The following FYN variants were observed in gnomAD, a reference collection of about 807,000 sequenced individuals.
FYN encodes the protein tyrosine-protein kinase Fyn.
In FYN, 10 loss-of-function variants were observed where a neutral mutation model predicts 70.2. The observed-to-expected ratio is 0.14, with a 90% CI of 0.09 to 0.24. FYN has a LOEUF of 0.24. Ranked by LOEUF, FYN falls within the 10% of genes least tolerant of loss-of-function variation. The pLI, the probability that FYN is intolerant of heterozygous loss-of-function variation, is 1.00. For synonymous variants in FYN, 236 were observed against 248.6 expected (o/e 0.95, Z 0.48); for missense variants, 319 against 673.1 (o/e 0.47, Z 5.82).
chr6:111,673,744 G>A (rs1316920598), intron 13 of FYN, among the ~76,000 whole-genome samples: 3 of 147,660 alleles, frequency 2.0e-5, no homozygotes, highest in Admixed American at 1.4e-4. Context: ...AAAGCAGATC[G>A]TCCCTGTGCT....
intron 3 of FYN, among the ~76,000 whole-genome samples, chr6:111,733,198 C>T (rs1023132235): frequency 6.6e-6 from 1 of 152,122 alleles, no homozygotes; most frequent in Non-Finnish European, 1.5e-5. Context: ...ACAATGCCTA[C>T]CACTTTTTGA....
At chr6:111,782,990 C>G (rs1261142667) in intron 2 of FYN, among the ~76,000 whole-genome samples, 1 of 152,194 alleles carries the variant, frequency 6.6e-6, no homozygotes, top group Non-Finnish European at 1.5e-5. Flanking sequence ...CAGTGACTAT[C>G]TTGGGAAGGT....
chr6:111,667,986 T>C (rs1374270650), intron 13 of FYN, among the ~76,000 whole-genome samples: 1 of 152,270 alleles, frequency 6.6e-6, no homozygotes, highest in African/African-American at 2.4e-5. Flanking sequence ...CTAACTGAGC[T>C]TTCCGTTCAA....
chr6:111,784,770 G>C (rs1226747447), intron 2 of FYN, among the ~76,000 whole-genome samples: 1 of 152,086 alleles, frequency 6.6e-6, no homozygotes, highest in East Asian at 1.9e-4. Context: ...CAATTACTTG[G>C]GGAAAAGGAA....
In FYN at chr6:111,707,820, T is replaced by G. The variant is rs1800167789; in HGVS notation, c.443+102A>C. On this transcript the variant is annotated intron_variant, in intron 6 of 13. Transcript: ENST00000354650. Reference sequence around the variant, plus strand: ...GCCTGAAAAACTCAGCCTTAATCACTGCTGTGAATTTCTTCTCCCTCCTGC... The same window carrying G: ...GCCTGAAAAACTCAGCCTTAATCACGGCTGTGAATTTCTTCTCCCTCCTGC... The G allele has an allele frequency of 6.8e-6, 6 of 883,220 alleles. No individual in the cohort carries two copies. In the South Asian group the frequency reaches 8.5e-5, roughly 12 times the overall value. 54.7% of individuals were successfully genotyped at this position (883,220 alleles called of 1,614,324 possible). A position where few individuals can be genotyped will look rare whatever the true frequency, so the allele number is the denominator to read the frequency against.
chr6:111,737,056 T>C lies in FYN; in HGVS notation c.-11-16994A>G, dbSNP rs1243512081. Among the ~76,000 whole-genome samples, 5 of 152,356 alleles carry C rather than the reference T, an allele frequency of 3.3e-5. No individual in the cohort carries two copies. The Middle Eastern group carries it at 0.017, about 518-fold the overall frequency. On this transcript the variant is annotated intron_variant, in intron 3 of 13. Coordinates refer to ENST00000354650, the MANE Select transcript of FYN (RefSeq NM_002037.5). ...CTGGTTAATCATCCATTCTTGTCAC[T>C]ATTTGTTTTGTGCCTCAAACACTCG...
At chr6:111,699,913 C>CTTTTTTTT (rs71021861) in intron 9 of FYN, 191 bp downstream of exon 9, 10 of 186,564 alleles carry the variant, frequency 5.4e-5, no homozygotes, top group East Asian at 1.3e-4. Context: ...CACTTACTAT[C>CTTTTTTTT]TTTTTTTTTT....
chr6:111,797,665 CATATATATAT>C (rs57984132), intron 2 of FYN, among the ~76,000 whole-genome samples: 2,294 of 90,678 alleles, frequency 0.025, 47 homozygotes, highest in East Asian at 0.057. Flanking sequence ...ATCAAAGTTT[CATATATATAT>C]ATATATATAT....
At chr6:111,824,488 C>T (rs1314356113) in intron 2 of FYN, among the ~76,000 whole-genome samples, 3 of 152,200 alleles carry the variant, frequency 2.0e-5, no homozygotes, top group African/African-American at 7.2e-5. Flanking sequence ...ATCTACACTG[C>T]ATCTTGTTAA....
At chr6:111,865,148 T>C (rs1774069143) in intron 1 of FYN, among the ~76,000 whole-genome samples, 1 of 152,204 alleles carries the variant, frequency 6.6e-6, no homozygotes, top group Non-Finnish European at 1.5e-5. Context: ...CCCATGGTAC[T>C]TTTTTCTCCC....
intron 2 of FYN, among the ~76,000 whole-genome samples, chr6:111,804,300 G>A (rs1383640521): frequency 2.6e-5 from 4 of 152,140 alleles, no homozygotes; most frequent in Admixed American, 2.0e-4. Flanking sequence ...GAACTGGGGG[G>A]AACTGGGGAA....
chr6:111,742,133 C>T (rs574407888), intron 3 of FYN, among the ~76,000 whole-genome samples: 46 of 152,280 alleles, frequency 3.0e-4, no homozygotes, highest in African/African-American at 1.1e-3. Flanking sequence ...AGGCATTGTG[C>T]GGGATGGTCT....
chr6:111,715,069 G>A (rs750805035), intron 4 of FYN, among the ~76,000 whole-genome samples: 4 of 151,890 alleles, frequency 2.6e-5, no homozygotes, highest in Admixed American at 6.6e-5. Context: ...CCCCTACCTT[G>A]AACTCACCTC....
intron 2 of FYN, among the ~76,000 whole-genome samples, chr6:111,810,880 T>C (rs1320876267): frequency 6.6e-6 from 1 of 152,274 alleles, no homozygotes; most frequent in African/African-American, 2.4e-5. Flanking sequence ...AGTCTTCACT[T>C]TGGAGTTAGG....
intron 2 of FYN, among the ~76,000 whole-genome samples, chr6:111,783,814 G>A (rs1771265285): frequency 6.6e-6 from 1 of 152,230 alleles, no homozygotes; most frequent in Non-Finnish European, 1.5e-5. Context: ...GACAGTCCAA[G>A]GTTTTGCAGT....
intron 2 of FYN, among the ~76,000 whole-genome samples, chr6:111,809,598 A>C (rs182965696): frequency 1.7e-4 from 26 of 152,264 alleles, no homozygotes; most frequent in African/African-American, 6.3e-4. Flanking sequence ...TTTTTCAGGC[A>C]CCAAAGTCTC....
At chr6:111,814,337 C>T (rs865896202) in intron 2 of FYN, among the ~76,000 whole-genome samples, 4 of 151,994 alleles carry the variant, frequency 2.6e-5, no homozygotes, top group Non-Finnish European at 4.4e-5. Flanking sequence ...TAAAGCCAAA[C>T]GATAAAGCCA....
At position 111,815,293 on chromosome 6, in the gene FYN, C is replaced by T. The variant is rs558109601; in HGVS notation, c.-82+31296G>A. ...GCCTGTAAACTGTTTAAACATCTTC[C>T]CAAATAACAGAGAAAATGGTCATAT... On this transcript the variant is annotated intron_variant, in intron 2 of 13. Transcript: ENST00000354650. Among the ~76,000 whole-genome samples, 12 of 152,166 alleles carry T rather than the reference C, an allele frequency of 7.9e-5. No homozygotes were observed. The South Asian group carries it at 2.3e-3, about 29-fold the overall frequency.
intron 3 of FYN, among the ~76,000 whole-genome samples, chr6:111,734,930 G>A (rs979555171): frequency 6.6e-6 from 1 of 152,220 alleles, no homozygotes; most frequent in Non-Finnish European, 1.5e-5. Context: ...TCCTCAGGGA[G>A]CTAATATATA....
Sources: gnomAD v4.1 joint callset for allele counts (sites outside exome capture counted in the v4.1 genomes callset) on GRCh38, gnomAD v4.1.1 for gene constraint, MANE v1.5 for transcripts, NCBI Gene and HGNC (gene_info 2026-07-23, HGNC 2026-07-21) for gene names.